MYO3B: variants seen among roughly 807,000 people sequenced by gnomAD.
The protein encoded by MYO3B is myosin-IIIb.
Under a neutral mutation model 174.6 loss-of-function variants are expected in MYO3B, and 156 were observed. The observed-to-expected ratio is 0.89, with a 90% confidence interval of 0.78 to 1.02. The LOEUF (loss-of-function observed/expected upper bound fraction) is 1.02. Ranked by LOEUF, MYO3B falls within the 50% of genes least tolerant of loss-of-function variation. The probability of loss-of-function intolerance (pLI) is 0.00; values close to 1 mark genes in which losing one functional copy is unlikely to be tolerated. For synonymous variants in MYO3B, 563 were observed against 569.1 expected (o/e 0.99, Z 0.15); for missense variants, 1,632 against 1,639.4 (o/e 1.00, Z 0.08).
At chr2:170,370,391 C>G (rs2094232099) in intron 9 of MYO3B, among the ~76,000 whole-genome samples, 1 of 152,140 alleles carries the variant, frequency 6.6e-6, no homozygotes, top group African/African-American at 2.4e-5. Flanking sequence ...TTTTTCTCCA[C>G]CAGGTTCCCT....
At chr2:170,528,750 C>T (rs548264228) in intron 30 of MYO3B, among the ~76,000 whole-genome samples, 1 of 152,268 alleles carries the variant, frequency 6.6e-6, no homozygotes, top group South Asian at 2.1e-4. Flanking sequence ...CGACGATGGA[C>T]GGTTTGGCAT....
intron 25 of MYO3B, among the ~76,000 whole-genome samples, chr2:170,471,044 G>A (rs1254991767): frequency 2.7e-5 from 4 of 146,728 alleles, no homozygotes; most frequent in African/African-American, 5.0e-5. Flanking sequence ...TCTATGGGTT[G>A]TTTTCTCTTT....
chr2:170,411,062 C>T (rs2094543243), intron 22 of MYO3B, among the ~76,000 whole-genome samples: 1 of 152,050 alleles, frequency 6.6e-6, no homozygotes, highest in Non-Finnish European at 1.5e-5. Flanking sequence ...CAAAGAAAAA[C>T]TTTAATTTCT....
At chr2:170,189,544 C>A (rs1574547460) in intron 1 of MYO3B, among the ~76,000 whole-genome samples, 1 of 151,736 alleles carries the variant, frequency 6.6e-6, no homozygotes, top group Non-Finnish European at 1.5e-5. Context: ...TCTACTCTGA[C>A]TTTATATTTT....
At chr2:170,307,928 C>A (rs543947065) in intron 7 of MYO3B, among the ~76,000 whole-genome samples, 1 of 152,286 alleles carries the variant, frequency 6.6e-6, no homozygotes, top group Admixed American at 6.5e-5. Flanking sequence ...AGTCTTCAGT[C>A]TGGTCCAGAG....
At chr2:170,349,003 C>T (rs1447911288) in intron 8 of MYO3B, among the ~76,000 whole-genome samples, 8 of 152,186 alleles carry the variant, frequency 5.3e-5, no homozygotes, top group Non-Finnish European at 1.2e-4. Flanking sequence ...CTGCACAAAA[C>T]AGTCAGTGTG....
chr2:170,484,335 G>T (rs945187633), intron 25 of MYO3B, among the ~76,000 whole-genome samples: 3 of 152,078 alleles, frequency 2.0e-5, no homozygotes, highest in African/African-American at 4.8e-5. Context: ...AAATTGAGGT[G>T]GTTGAACACA....
chr2:170,460,105 C>T (rs1326233083), intron 23 of MYO3B, among the ~76,000 whole-genome samples: 3 of 152,140 alleles, frequency 2.0e-5, no homozygotes, highest in South Asian at 2.1e-4. Flanking sequence ...GCTCCTCAAG[C>T]GTGGCCAGAG....
chr2:170,507,620 T>C (rs1284855820), intron 28 of MYO3B, among the ~76,000 whole-genome samples: 1 of 152,136 alleles, frequency 6.6e-6, no homozygotes, highest in Non-Finnish European at 1.5e-5. Flanking sequence ...CTCAAACTCC[T>C]GACCTCAAGT....
chr2:170,605,561 A>C (rs1023195999), intron 32 of MYO3B, among the ~76,000 whole-genome samples: 12 of 152,078 alleles, frequency 7.9e-5, no homozygotes, highest in African/African-American at 2.9e-4. Context: ...TGTTTTAATA[A>C]GTGGCATCAT....
At chr2:170,386,357 T>A in intron 13 of MYO3B, 85 bp downstream of exon 13, 1 of 1,198,198 alleles carries the variant, frequency 8.3e-7, no homozygotes, top group South Asian at 1.4e-5. Flanking sequence ...AGTGCTGGGT[T>A]TTTTTTATTA....
intron 23 of MYO3B, among the ~76,000 whole-genome samples, chr2:170,444,379 C>G (rs1184432620): frequency 2.0e-5 from 3 of 152,204 alleles, no homozygotes; most frequent in Non-Finnish European, 4.4e-5. Flanking sequence ...TCCTATTGCT[C>G]TCCTTTGCCC....
chr2:170,522,099 G>C (rs1381665406), intron 30 of MYO3B, among the ~76,000 whole-genome samples: 1 of 152,020 alleles, frequency 6.6e-6, no homozygotes, highest in African/African-American at 2.4e-5. Context: ...TAAAATAAAG[G>C]CAATTCTCCA....
intron 9 of MYO3B, among the ~76,000 whole-genome samples, chr2:170,376,605 AT>A (rs10655853): frequency 4.4e-4 from 64 of 144,856 alleles, no homozygotes; most frequent in South Asian, 6.5e-4. Flanking sequence ...CCCTCTCTCT[AT>A]TTTTTTTTTT....
chr2:170,627,744 C>CTGTT (rs1200807354), intron 32 of MYO3B, among the ~76,000 whole-genome samples: 1 of 148,132 alleles, frequency 6.8e-6, no homozygotes, highest in Non-Finnish European at 1.5e-5. Context: ...GATGTCCTTT[C>CTGTT]TGTTTGTTAG....
chr2:170,376,658 A>T (rs2105715783), intron 9 of MYO3B, among the ~76,000 whole-genome samples: 1 of 151,608 alleles, frequency 6.6e-6, no homozygotes, highest in South Asian at 2.1e-4. Context: ...TCCATCTGGA[A>T]TCTGGTAACA....
chr2:170,541,505 G>A (rs1690103143), intron 30 of MYO3B, among the ~76,000 whole-genome samples: 1 of 152,148 alleles, frequency 6.6e-6, no homozygotes, highest in African/African-American at 2.4e-5. Flanking sequence ...TTGTTTATCT[G>A]TATGATAGAT....
At chr2:170,615,523 A>G (rs1273377945) in intron 32 of MYO3B, among the ~76,000 whole-genome samples, 2 of 152,110 alleles carry the variant, frequency 1.3e-5, no homozygotes, top group Non-Finnish European at 2.9e-5. Flanking sequence ...AGACAGAGGG[A>G]AGTGAGTGAG....
At chr2:170,494,331 T>C (rs1686701314) in intron 25 of MYO3B, among the ~76,000 whole-genome samples, 1 of 152,232 alleles carries the variant, frequency 6.6e-6, no homozygotes, top group African/African-American at 2.4e-5. Flanking sequence ...TTCAACTGGA[T>C]ATACACTATT....
Sources: allele counts gnomAD v4.1 joint callset (sites outside exome capture counted in the v4.1 genomes callset), GRCh38; gene constraint gnomAD v4.1.1; transcripts MANE v1.5; gene names NCBI Gene and HGNC (gene_info 2026-07-23, HGNC 2026-07-21).